RIMBP2: variants seen among roughly 807,000 people sequenced by gnomAD.
The protein encoded by RIMBP2 is RIMS binding protein 2, also known as RIMS-binding protein 2.
A neutral mutation model predicts 118.6 loss-of-function variants in RIMBP2; 48 were observed. That is an observed-to-expected ratio of 0.40 (90% confidence interval 0.32 to 0.51). RIMBP2 has a LOEUF of 0.51. Among genes scored for constraint, RIMBP2 ranks in the 20% least tolerant of loss-of-function variants. The pLI is 0.41. For synonymous variants in RIMBP2, 762 were observed against 742.9 expected (o/e 1.03, Z -0.42); for missense variants, 1,551 against 1,768.3 (o/e 0.88, Z 2.20).
intron 1 of RIMBP2, among the ~76,000 whole-genome samples, chr12:130,655,998 A>G (rs962154778): frequency 3.9e-5 from 6 of 152,222 alleles, no homozygotes; most frequent in Non-Finnish European, 8.8e-5. Flanking sequence ...GGAATGGAGG[A>G]AGCTCTCTCA....
chr12:130,421,538 C>T (rs1483939085), intron 17 of RIMBP2, among the ~76,000 whole-genome samples: 1 of 152,190 alleles, frequency 6.6e-6, no homozygotes, highest in Non-Finnish European at 1.5e-5. Flanking sequence ...AGACCAATGG[C>T]CTTTTAAACT....
intron 15 of RIMBP2, 198 bp from the exon 16 acceptor site, chr12:130,425,056 G>A (rs141924024): frequency 9.6e-5 from 38 of 396,018 alleles, no homozygotes; most frequent in Admixed American, 2.2e-4. Context: ...GGGCTGGGGC[G>A]GGGTGGAGGC....
intron 2 of RIMBP2, among the ~76,000 whole-genome samples, chr12:130,603,100 C>T (rs923206575): frequency 2.0e-5 from 3 of 152,128 alleles, no homozygotes; most frequent in African/African-American, 7.2e-5. Flanking sequence ...AAAAGACAAG[C>T]AAAAGATAAA....
rs546964123 is a variant in RIMBP2 at position 130,414,309 on chromosome 12, G to A, written c.3239-3C>T. On this transcript the variant is annotated splice_region_variant and splice_polypyrimidine_tract_variant and intron_variant, in intron 17 of 22. Coordinates refer to ENST00000690449, the MANE Select transcript of RIMBP2 (RefSeq NM_001393629.1). ...AAGGCGGTCTCGCCCGTAATCGTCT[G>A]CGAGCAAGTGGGGGTGAAGAACAGA... The A allele has an allele frequency of 3.2e-6, 5 of 1,575,294 alleles. No homozygotes were observed. The African/African-American group carries it at 4.0e-5, about 13-fold the overall frequency.
Position 130,422,491 on chromosome 12 carries a change from C to A in RIMBP2, c.3200G>T (p.Gly1067Val), listed in dbSNP as rs758459338. 6.2e-7 allele frequency: 1 copy of A among 1,613,220 alleles called. No individual in the cohort carries two copies. The highest frequency in any genetic ancestry group is 1.1e-5 in the South Asian group (1 of 90,898). The change falls in exon 17 of 23, where the codon GGT (glycine) becomes GTT (valine). Residue 1067 changes from glycine to valine, a missense_variant. Transcript: ENST00000690449. The surrounding 1 kb of genome is among the most constrained non-coding windows in gnomAD (Gnocchi z 5.2). ...TGTCACGGGCCGGGACCTCTGAGGA[C>A]CAGCGCTGCCACGGGGAAACCTCCG... ...MGRRFPRGSA[G>V]PQRSRPVTVP...
chr12:130,492,746 A>T (rs2048758307), intron 4 of RIMBP2, among the ~76,000 whole-genome samples: 1 of 152,226 alleles, frequency 6.6e-6, no homozygotes, highest in African/African-American at 2.4e-5. Flanking sequence ...TACCTCTCTG[A>T]ACCTCAGGTT....
chr12:130,436,798 G>A (rs980281785), intron 13 of RIMBP2, 44 bp downstream of exon 13: 10 of 1,358,868 alleles, frequency 7.4e-6, no homozygotes, highest in Admixed American at 7.0e-5. Context: ...GTCCCGTGGG[G>A]TTTGGGGACT....
chr12:130,542,738 C>G (rs2054727802), intron 2 of RIMBP2, among the ~76,000 whole-genome samples: 1 of 152,182 alleles, frequency 6.6e-6, no homozygotes, highest in African/African-American at 2.4e-5. Flanking sequence ...TCTGCCTTAA[C>G]CAAGACAATT....
At chr12:130,462,778 C>G (rs893954368) in intron 6 of RIMBP2, among the ~76,000 whole-genome samples, 2 of 152,236 alleles carry the variant, frequency 1.3e-5, no homozygotes, top group African/African-American at 4.8e-5. Context: ...AGCTCACAGA[C>G]CAGGCATGGA....
chr12:130,530,297 T>C (rs2053235626), intron 2 of RIMBP2, among the ~76,000 whole-genome samples: 1 of 152,174 alleles, frequency 6.6e-6, no homozygotes, highest in Non-Finnish European at 1.5e-5. Flanking sequence ...TTTTTCTATA[T>C]GTGATTTTGG....
chr12:130,547,275 T>C (rs1011711675), intron 2 of RIMBP2, among the ~76,000 whole-genome samples: 1 of 152,206 alleles, frequency 6.6e-6, no homozygotes, highest in Non-Finnish European at 1.5e-5. Context: ...TCTCCAAGCC[T>C]TGAGTTTCTT....
intron 21 of RIMBP2, among the ~76,000 whole-genome samples, chr12:130,404,612 TAAGA>T (rs2074988750): frequency 1.3e-5 from 2 of 152,192 alleles, no homozygotes; most frequent in Non-Finnish European, 2.9e-5. Flanking sequence ...AGAGTAAACT[TAAGA>T]TATATAAAGG....
chr12:130,655,552 G>C (rs979249541), intron 1 of RIMBP2, among the ~76,000 whole-genome samples: 3 of 152,114 alleles, frequency 2.0e-5, no homozygotes, highest in Non-Finnish European at 4.4e-5. Context: ...CCACTTTAGG[G>C]AATTTATTGA....
At chr12:130,634,115 C>G (rs769887229) in intron 1 of RIMBP2, among the ~76,000 whole-genome samples, 3 of 152,212 alleles carry the variant, frequency 2.0e-5, no homozygotes, top group African/African-American at 7.2e-5. Context: ...CCTTCGACAA[C>G]GAGCTGTGTC....
chr12:130,438,343 C>CCA (rs1555249188), intron 12 of RIMBP2, 22 bp downstream of exon 12: 10 of 1,431,040 alleles, frequency 7.0e-6, no homozygotes, highest in Non-Finnish European at 7.9e-6. Flanking sequence ...AAACCCTCCC[C>CCA]ACCCACCCAA....
chr12:130,625,346 G>A (rs1282974019), intron 2 of RIMBP2, among the ~76,000 whole-genome samples: 3 of 152,148 alleles, frequency 2.0e-5, no homozygotes, highest in Non-Finnish European at 2.9e-5. Context: ...GGAGGGAAAC[G>A]ACAGAGCCGT....
intron 2 of RIMBP2, among the ~76,000 whole-genome samples, chr12:130,607,346 C>T (rs192692081): frequency 7.2e-5 from 11 of 152,216 alleles, no homozygotes; most frequent in African/African-American, 2.2e-4. Flanking sequence ...TACCCATGAC[C>T]GCATCTGCTC....
In RIMBP2 at chr12:130,538,823, C is replaced by T. The variant is rs115073818; in HGVS notation, c.-216-20906G>A. Among the ~76,000 whole-genome samples the T allele has an allele frequency of 4.2e-3, 636 of 152,284 alleles. 7 individuals are homozygous for T. Among genetic ancestry groups the T allele is most frequent in the African/African-American group, 0.014 (575 of 41,562 alleles). On this transcript the variant is annotated intron_variant, in intron 2 of 22. Transcript: ENST00000690449. ...TCATGGGCAGTGACAAACGTGGCTT[C>T]CTGCCCCCACTCTTCCCTCCCCGTA... is the stretch of plus-strand genomic sequence containing the variant.
chr12:130,639,510 A>AT (rs2062517450), intron 1 of RIMBP2, among the ~76,000 whole-genome samples: 1 of 141,160 alleles, frequency 7.1e-6, no homozygotes, highest in African/African-American at 2.6e-5. Flanking sequence ...AAAAAAAAAA[A>AT]AAACCAACTA....
Sources: gnomAD v4.1 joint callset for allele counts (sites outside exome capture counted in the v4.1 genomes callset) on GRCh38, gnomAD v4.1.1 for gene constraint, Gnocchi (gnomAD v3.1) non-coding constraint, MANE v1.5 for transcripts, NCBI Gene and HGNC (gene_info 2026-07-23, HGNC 2026-07-21) for gene names.